Variants in PCDHGA10 observed in about 807,000 individuals in gnomAD.
PCDHGA10 encodes protocadherin gamma subfamily A, 10.
A neutral mutation model predicts 59.5 loss-of-function variants in PCDHGA10; 42 were observed. The ratio of observed to expected loss-of-function variants is 0.71; its 90% CI spans 0.55 to 0.91. The LOEUF (loss-of-function observed/expected upper bound fraction) is 0.91, where lower values mean the gene tolerates loss of function less well. Ranked by LOEUF, PCDHGA10 falls within the 40% of genes least tolerant of loss-of-function variation. The probability of loss-of-function intolerance (pLI) is 0.00; values close to 1 mark genes in which losing one functional copy is unlikely to be tolerated. For synonymous variants in PCDHGA10, 511 were observed against 517.2 expected, an observed-to-expected ratio of 0.99 and a Z score of 0.16; for missense variants, 1,111 against 1,198.2, an observed-to-expected ratio of 0.93 and a Z score of 1.07.
intron 1 of PCDHGA10, among the ~76,000 whole-genome samples, chr5:141,450,826 A>ATT (rs764729742): frequency 0.025 from 3,390 of 134,266 alleles, 60 homozygotes; most frequent in Middle Eastern, 0.057. Flanking sequence ...TATTATTATT[A>ATT]TTATTTTTTT....
intron 1 of PCDHGA10, among the ~76,000 whole-genome samples, chr5:141,465,538 A>AT (rs2099105284): frequency 6.6e-6 from 1 of 152,112 alleles, no homozygotes; most frequent in Non-Finnish European, 1.5e-5. Context: ...TTTCCCAGGC[A>AT]TTTTTTCTGC....
chr5:141,422,499 A>G lies in PCDHGA10; in HGVS notation c.2436+6888A>G. 3 of 1,614,036 alleles carry G rather than the reference A, an allele frequency of 1.9e-6. No homozygotes were observed. The South Asian group carries it at 3.3e-5, about 18-fold the overall frequency. On this transcript the variant is annotated intron_variant, in intron 1 of 3. Coordinates refer to ENST00000398610, the MANE Select transcript of PCDHGA10 (RefSeq NM_018913.3). ...TCCAGAGCTACAATATAACGTTGAC[A>G]GCCACAGACCAGGGAAGCCCGCCTT...
Position 141,422,340 on chromosome 5 carries a change from T to C in PCDHGA10, c.2436+6729T>C, listed in dbSNP as rs776306472. ...CAGGTACAGTGATTGCTCTTCTAAA[T>C]GTGCAAGATCAAGATTCTGGAGAAA... On this transcript the variant is annotated intron_variant, in intron 1 of 3. Transcript: ENST00000398610. 2.6e-6 allele frequency: 4 copies of C among 1,550,190 alleles called. 1 individual carries two copies. Among genetic ancestry groups the C allele is most frequent in the Non-Finnish European group, 3.5e-6 (4 of 1,154,238 alleles).
intron 3 of PCDHGA10, 78 bp from the exon 4 acceptor site, chr5:141,510,869 T>C: frequency 9.3e-6 from 15 of 1,608,708 alleles, no homozygotes; most frequent in Non-Finnish European, 1.3e-5. Flanking sequence ...AGGCATTCAT[T>C]AACTGCTGGG....
intron 1 of PCDHGA10, among the ~76,000 whole-genome samples, chr5:141,444,408 T>G (rs1591815532): frequency 6.6e-6 from 1 of 152,124 alleles, no homozygotes; most frequent in East Asian, 1.9e-4. Context: ...CAACCTCAGG[T>G]GATCTTCCCT....
At position 141,469,759 on chromosome 5, in the gene PCDHGA10, T is replaced by C. The variant is rs192437401; in HGVS notation, c.2437-25048T>C. On this transcript the variant is annotated intron_variant, in intron 1 of 3. Coordinates refer to ENST00000398610, the MANE Select transcript of PCDHGA10 (RefSeq NM_018913.3). ...ACCTCAAAAATTACAAAAATACATATATACCAGCTTATTTATTACAGCGTT... is the reference window on the plus strand; with the variant it reads ...ACCTCAAAAATTACAAAAATACATACATACCAGCTTATTTATTACAGCGTT... 3.9e-3 allele frequency among the ~76,000 whole-genome samples: 591 copies of C among 152,310 alleles called. 6 individuals are homozygous for C. Among genetic ancestry groups the C allele is most frequent in the Admixed American group, 0.011 (171 of 15,298 alleles).
chr5:141,433,358 C>CCCATCTAT (rs1554125967), intron 1 of PCDHGA10: 6 of 503,934 alleles, frequency 1.2e-5, no homozygotes, highest in Admixed American at 3.6e-5. Context: ...CTACTGTCTG[C>CCCATCTAT]CTATCTATCT....
rs758181180 is a variant in PCDHGA10 at position 141,485,483 on chromosome 5, G to T, written c.2437-9324G>T. The T allele has an allele frequency of 1.9e-6, 3 of 1,614,106 alleles. No homozygotes were observed. The highest frequency in any genetic ancestry group is 2.5e-6 in the Non-Finnish European group (3 of 1,180,022). ...GTGTGGGCTCAGTGCCAGCTGCATC[G>T]TGCCCCTGGAGTTTGTCACCGAAGG... On this transcript the variant is annotated intron_variant, in intron 1 of 3. Coordinates refer to ENST00000398610, the MANE Select transcript of PCDHGA10 (RefSeq NM_018913.3). The surrounding 1 kb of genome is among the most constrained non-coding windows in gnomAD (Gnocchi z 5.7).
intron 2 of PCDHGA10, among the ~76,000 whole-genome samples, chr5:141,498,792 G>A (rs1217057199): frequency 2.6e-5 from 4 of 152,086 alleles, no homozygotes; most frequent in Admixed American, 2.6e-4. Context: ...TATTAGCCAG[G>A]TGTGGTGGTG....
chr5:141,422,575 C>G, intron 1 of PCDHGA10: 1 of 1,613,976 alleles, frequency 6.2e-7, no homozygotes, highest in Non-Finnish European at 8.5e-7. Flanking sequence ...CAACGATAAC[C>G]CTCCCGTTTT....
chr5:141,492,691 C>G (rs2099743102), intron 1 of PCDHGA10, among the ~76,000 whole-genome samples: 1 of 152,274 alleles, frequency 6.6e-6, no homozygotes, highest in South Asian at 2.1e-4. Flanking sequence ...TCGGCGACCC[C>G]TCAACCCAGA....
Position 141,491,340 on chromosome 5 carries a change from C to T in PCDHGA10, c.2437-3467C>T, listed in dbSNP as rs772328241. The T allele has an allele frequency of 3.7e-6, 6 of 1,614,144 alleles. No individual in the cohort carries two copies. The Admixed American group carries it at 6.7e-5, about 18-fold the overall frequency. ...TTTACCTCATTGTGGCTCTAGCGAC[C>T]GTCAGTCTCTTATCCCTAGTCACCT... On this transcript the variant is annotated intron_variant, in intron 1 of 3. Transcript: ENST00000398610. This position sits in a 1 kb window ranked among gnomAD's most constrained non-coding sequence, Gnocchi z 6.9.
In PCDHGA10 at chr5:141,432,250, A is replaced by G. The variant is rs777728825; in HGVS notation, c.2436+16639A>G. 2 of 1,614,234 alleles carry G rather than the reference A, an allele frequency of 1.2e-6. No homozygotes were observed. Among genetic ancestry groups the G allele is most frequent in the Admixed American group, 1.7e-5 (1 of 60,026 alleles). ...ATTCCCTGGCTGAGAACACCATCCA[A>G]GGGGCAAGCCTATCGTCCTACGTGT... On this transcript the variant is annotated intron_variant, in intron 1 of 3. Transcript: ENST00000398610. The surrounding 1 kb of genome is among the most constrained non-coding windows in gnomAD (Gnocchi z 6.0).
chr5:141,419,393 G>T (rs1226844501), intron 1 of PCDHGA10: 2 of 1,613,620 alleles, frequency 1.2e-6, no homozygotes, highest in Non-Finnish European at 1.7e-6. Context: ...CGCGCAGAGC[G>T]GGGTGGTGTT....
rs772255343 is a variant in PCDHGA10, at chr5:141,432,272, G to C, written c.2436+16661G>C. On this transcript the variant is annotated intron_variant, in intron 1 of 3. Coordinates refer to ENST00000398610, the MANE Select transcript of PCDHGA10 (RefSeq NM_018913.3). This position sits in a 1 kb window ranked among gnomAD's most constrained non-coding sequence, Gnocchi z 6.0. ...CCAAGGGGCAAGCCTATCGTCCTAC[G>C]TGTCCATCAACTCCGACACTGGGGT... The C allele has an allele frequency of 3.1e-6, 5 of 1,614,210 alleles. No individual in the cohort carries two copies. Among genetic ancestry groups the C allele is most frequent in the Non-Finnish European group, 4.2e-6 (5 of 1,180,042 alleles).
intron 3 of PCDHGA10, among the ~76,000 whole-genome samples, chr5:141,506,444 CA>C (rs1219684339): frequency 0.54 from 51,660 of 95,006 alleles, 10,715 homozygotes; most frequent in African/African-American, 0.61. Context: ...CGCTCTGTCT[CA>C]AAAAAAAAAA....
chr5:141,481,646 C>T (rs1425216422), intron 1 of PCDHGA10, among the ~76,000 whole-genome samples: 1 of 151,950 alleles, frequency 6.6e-6, no homozygotes, highest in African/African-American at 2.4e-5. Flanking sequence ...GGTGAAACTT[C>T]ATCTCTACTA....
At chr5:141,418,441 A>G (rs2096258419) in intron 1 of PCDHGA10, 3 of 1,614,000 alleles carry the variant, frequency 1.9e-6, no homozygotes, top group South Asian at 1.1e-5. Flanking sequence ...ATCCAGAATT[A>G]GTATTGCAGA....
chr5:141,419,043 A>G (rs1561777660), intron 1 of PCDHGA10: 5 of 1,613,958 alleles, frequency 3.1e-6, no homozygotes. Flanking sequence ...TTTAAGATTC[A>G]TTCTTCTTCT....
Sources: allele counts gnomAD v4.1 joint callset (sites outside exome capture counted in the v4.1 genomes callset), GRCh38; gene constraint gnomAD v4.1.1; non-coding constraint Gnocchi (gnomAD v3.1); transcripts MANE v1.5; gene names NCBI Gene and HGNC (gene_info 2026-07-23, HGNC 2026-07-21).